Variants in RGS14 observed in about 807,000 individuals in gnomAD.
RGS14 encodes regulator of G protein signaling 14, also known as regulator of G-protein signaling 14.
In RGS14, 33 loss-of-function variants were observed where a neutral mutation model predicts 63.8. The observed-to-expected ratio is 0.52, with a 90% CI of 0.39 to 0.69. RGS14 has a LOEUF of 0.69. Ranked by LOEUF, RGS14 falls within the 30% of genes least tolerant of loss-of-function variation. The probability of loss-of-function intolerance (pLI) is 0.00; values close to 1 mark genes in which losing one functional copy is unlikely to be tolerated. For missense variants in RGS14, 739 were observed against 742.9 expected (o/e 0.99, Z 0.06); for synonymous variants, 296 against 320.9 (o/e 0.92, Z 0.83).
rs1761875075 is a variant in RGS14, at chr5:177,358,421, C to T, written c.45+352C>T. ...GCCCATCCCCACAGTGGCTCAAGCC[C>T]CTACATCCCGCTCAGCCTGAGTCCT... On this transcript the variant is annotated intron_variant, in intron 1 of 14. Transcript: ENST00000408923. The surrounding 1 kb of genome is among the most constrained non-coding windows in gnomAD (Gnocchi z 4.8). Among the ~76,000 whole-genome samples, 1 of 152,286 alleles carries T rather than the reference C, an allele frequency of 6.6e-6. No homozygotes were observed. The highest frequency in any genetic ancestry group is 2.4e-5 in the African/African-American group (1 of 41,546).
In RGS14 at chr5:177,372,492, C is replaced by G; in HGVS notation, c.*417C>G. 5.2e-6 allele frequency: 1 copy of G among 192,160 alleles called. No individual in the cohort carries two copies. Among genetic ancestry groups the G allele is most frequent in the Non-Finnish European group, 1.1e-5 (1 of 93,450 alleles). The allele number at this position is 192,160 out of a possible 1,614,324, so 11.9% of individuals were successfully genotyped here. A position where few individuals can be genotyped will look rare whatever the true frequency, so the allele number is the denominator to read the frequency against. ...TGCAGGCAGGCAGCCCTGTACCCCA[C>G]CCACATAGACTATACTGTACATACA... On this transcript the variant is annotated 3_prime_UTR_variant, in exon 15 of 15. Transcript: ENST00000408923.
chr5:177,365,894 C>A, intron 1 of RGS14, 69 bp from the exon 2 acceptor site: 4 of 1,511,736 alleles, frequency 2.6e-6, no homozygotes, highest in South Asian at 2.3e-5. Context: ...TCCTGGGAGT[C>A]GGGCCCAGAA....
intron 1 of RGS14, among the ~76,000 whole-genome samples, chr5:177,362,493 C>T (rs1761989211): frequency 1.3e-5 from 2 of 152,110 alleles, no homozygotes; most frequent in South Asian, 2.1e-4. Context: ...TGGATAAGCA[C>T]GTGGTGGGAA....
rs534169085 is a variant in RGS14 at position 177,364,962 on chromosome 5, A to G, written c.46-1001A>G. Among the ~76,000 whole-genome samples the G allele has an allele frequency of 6.6e-6, 1 of 152,258 alleles. No homozygotes were observed. Among genetic ancestry groups the G allele is most frequent in the East Asian group, 1.9e-4 (1 of 5,176 alleles). ...GGACCTACTGAACCTGAATCTCCAG[A>G]GGTGGGGTCCTCCCACTCTGCACTG... On this transcript the variant is annotated intron_variant, in intron 1 of 14. Transcript: ENST00000408923. This position sits in a 1 kb window ranked among gnomAD's most constrained non-coding sequence, Gnocchi z 4.6.
At chr5:177,369,621 G>A (rs1041713264) in intron 9 of RGS14, among the ~76,000 whole-genome samples, 12 of 152,190 alleles carry the variant, frequency 7.9e-5, no homozygotes, top group Non-Finnish European at 1.5e-4. Flanking sequence ...GCTGGTGTCC[G>A]GAAGGCTTCA....
intron 1 of RGS14, among the ~76,000 whole-genome samples, chr5:177,363,964 G>C (rs908835082): frequency 6.6e-6 from 1 of 152,212 alleles, no homozygotes; most frequent in Non-Finnish European, 1.5e-5. Context: ...CAGTCTCACG[G>C]AGCAAGTGGA....
Position 177,371,514 on chromosome 5 carries a change from C to A in RGS14, c.1423C>A (p.Pro475Thr). 6.2e-7 allele frequency: 1 copy of A among 1,614,166 alleles called. No homozygotes were observed. Among genetic ancestry groups the A allele is most frequent in the Non-Finnish European group, 8.5e-7 (1 of 1,180,028 alleles). ...AACTCAGGATAAGGCCACCCATCCC[C>A]CTCCAGCGTCCCCCAGTTCTCTGGT... is the stretch of plus-strand genomic sequence containing the variant. ...PRTQDKATHP[P>T]PASPSSLVKV... The change falls in exon 14 of 15, where the codon CCT (proline) becomes ACT (threonine). Residue 475 changes from proline (P) to threonine (T), a missense_variant. Pro to Thr is a conservative substitution (Grantham distance 38, BLOSUM62 -1). Transcript: ENST00000408923. This position sits in a 1 kb window ranked among gnomAD's most constrained non-coding sequence, Gnocchi z 6.1.
Position 177,371,969 on chromosome 5 carries a change from A to G in RGS14, c.1595A>G (p.Gln532Arg), listed in dbSNP as rs1762282819. ...GACCTGGTACTTCCAGAATTTCTGC[A>G]GCTGCCCGCCCAAGGGCCCAGCTCC... ...KEDLVLPEFLQLPAQGPSSEE... is the reference protein window; with the variant it reads ...KEDLVLPEFLRLPAQGPSSEE... The change falls in exon 15 of 15, where the codon CAG (glutamine) becomes CGG (arginine). Residue 532 changes from glutamine to arginine, a missense_variant. Physicochemically the swap from Gln to Arg is conservative, Grantham distance 43. Transcript: ENST00000408923. This position sits in a 1 kb window ranked among gnomAD's most constrained non-coding sequence, Gnocchi z 6.1. The G allele has an allele frequency of 3.7e-6, 6 of 1,614,032 alleles. No individual in the cohort carries two copies.
Position 177,363,079 on chromosome 5 carries a change from C to T in RGS14, c.46-2884C>T, listed in dbSNP as rs535000309. ...ATGACTGCGTCTCCGAGGCTGGGAACACCGTGGCGGTGCAGCCGGGGGAGG... is the reference window on the plus strand; with the variant it reads ...ATGACTGCGTCTCCGAGGCTGGGAATACCGTGGCGGTGCAGCCGGGGGAGG... On this transcript the variant is annotated intron_variant, in intron 1 of 14. Transcript: ENST00000408923. Among the ~76,000 whole-genome samples the T allele has an allele frequency of 4.6e-5, 7 of 152,192 alleles. No individual in the cohort carries two copies. In the South Asian group the frequency reaches 1.5e-3, roughly 32 times the overall value.
chr5:177,369,212 T>C (rs953486666), intron 9 of RGS14: 11 of 481,312 alleles, frequency 2.3e-5, no homozygotes, highest in Non-Finnish European at 3.4e-5. Flanking sequence ...GAGTCCAGAC[T>C]CCCATCCCCA....
chr5:177,369,257 C>T (rs1214285957), intron 9 of RGS14, among the ~76,000 whole-genome samples: 1 of 152,208 alleles, frequency 6.6e-6, no homozygotes, highest in Non-Finnish European at 1.5e-5. Flanking sequence ...CCGTGGGGTG[C>T]CCTCACCTCC....
Position 177,359,155 on chromosome 5 carries a change from A to C in RGS14, c.45+1086A>C, listed in dbSNP as rs1761897996. Among the ~76,000 whole-genome samples, 1 of 152,102 alleles carries C rather than the reference A, an allele frequency of 6.6e-6. No homozygotes were observed. The highest frequency in any genetic ancestry group is 2.1e-4 in the South Asian group (1 of 4,824). ...TCCTGCCTCACCAAGAAGCTGAGGC[A>C]GCCCCATCACCACTCCTGCCCCTTA... is the stretch of plus-strand genomic sequence containing the variant. On this transcript the variant is annotated intron_variant, in intron 1 of 14. Coordinates refer to ENST00000408923, the MANE Select transcript of RGS14 (RefSeq NM_006480.5). The surrounding 1 kb of genome is among the most constrained non-coding windows in gnomAD (Gnocchi z 4.4).
At chr5:177,367,199 A>C in intron 5 of RGS14, 165 bp downstream of exon 5, 2 of 1,120,296 alleles carry the variant, frequency 1.8e-6, no homozygotes, top group Non-Finnish European at 2.5e-6. Flanking sequence ...GGGCGGTATC[A>C]GAGGCACGGG....
chr5:177,372,370 G>A lies in RGS14; in HGVS notation c.*295G>A. 7.9e-6 allele frequency: 3 copies of A among 380,748 alleles called. No homozygotes were observed. The allele number at this position is 380,748 out of a possible 1,614,324, so 23.6% of individuals were successfully genotyped here. On this transcript the variant is annotated 3_prime_UTR_variant, in exon 15 of 15. Transcript: ENST00000408923. ...TGCCCAACATGGAGGGATGGCGTTG[G>A]CAGTGCCAGCCTCCCCAGCCTGTGC...
Position 177,368,768 on chromosome 5 carries a change from G to C in RGS14, c.901G>C (p.Gly301Arg). The C allele has an allele frequency of 6.2e-7, 1 of 1,614,238 alleles. No homozygotes were observed. The highest frequency in any genetic ancestry group is 8.5e-7 in the Non-Finnish European group (1 of 1,180,050). Residue 301 changes from glycine to arginine, a missense_variant, in exon 9 of 15, where the codon GGG becomes CGG. Gly to Arg is a moderately radical substitution (Grantham distance 125). Coordinates refer to ENST00000408923, the MANE Select transcript of RGS14 (RefSeq NM_006480.5). The stretch of plus-strand genomic sequence containing the variant: ...GGAGGGTGAAAGTGAAAGCCGGCCA[G>C]GGAAGTACTGCTGTGTGTACCTGCC... ...STEGESESRPGKYCCVYLPDG... is the reference protein window; with the variant it reads ...STEGESESRPRKYCCVYLPDG...
At chr5:177,366,574 G>T (rs1263593530) in intron 3 of RGS14, 134 bp from the exon 4 acceptor site, 8 of 884,018 alleles carry the variant, frequency 9.0e-6, no homozygotes, top group Non-Finnish European at 1.4e-5. Context: ...GTCTGGCTCC[G>T]TCTGTCTGTC....
At chr5:177,368,523 A>C (rs1419646015) in intron 8 of RGS14, among the ~76,000 whole-genome samples, 194 bp from the exon 9 acceptor site, 1 of 152,262 alleles carries the variant, frequency 6.6e-6, no homozygotes, top group African/African-American at 2.4e-5. Flanking sequence ...TGTGGGAATC[A>C]GCGGGTGGAC....
At position 177,371,584 on chromosome 5, in the gene RGS14, T is replaced by A; in HGVS notation, c.1493T>A (p.Ile498Asn). 1 of 1,613,280 alleles carries A rather than the reference T, an allele frequency of 6.2e-7. No individual in the cohort carries two copies. The highest frequency in any genetic ancestry group is 1.1e-5 in the South Asian group (1 of 91,068). Residue 498 changes from isoleucine (I) to asparagine (N), a missense_variant, in exon 14 of 15, where the codon ATC becomes AAC. Coordinates refer to ENST00000408923, the MANE Select transcript of RGS14 (RefSeq NM_006480.5). The surrounding 1 kb of genome is among the most constrained non-coding windows in gnomAD (Gnocchi z 6.1). ...ACTGGAAAGCGGCAGACCTGTGACA[T>A]CGAAGGTACATGGTGGATGAGCTGG... ...SATGKRQTCD[I>N]EGLVELLNRV...
chr5:177,358,016 G>C lies in RGS14; in HGVS notation c.-9G>C. On this transcript the variant is annotated 5_prime_UTR_variant, in exon 1 of 15. Transcript: ENST00000408923. This position sits in a 1 kb window ranked among gnomAD's most constrained non-coding sequence, Gnocchi z 4.8. ...GCCCCCGCGGCGGGGACCCCTGATC[G>C]GCAGCGGCATGCCAGGGAAGCCCAA... 5.9e-6 allele frequency: 8 copies of C among 1,357,448 alleles called. No homozygotes were observed. The highest frequency in any genetic ancestry group is 7.7e-6 in the Non-Finnish European group (8 of 1,045,198). The allele number at this position is 1,357,448 out of a possible 1,614,324, so 84.1% of individuals were successfully genotyped here.
Sources: gnomAD v4.1 joint callset for allele counts (sites outside exome capture counted in the v4.1 genomes callset) on GRCh38, gnomAD v4.1.1 for gene constraint, Gnocchi (gnomAD v3.1) non-coding constraint, MANE v1.5 for transcripts, NCBI Gene and HGNC (gene_info 2026-07-23, HGNC 2026-07-21) for gene names.